TUBB8: variants seen among roughly 807,000 people sequenced by gnomAD.
TUBB8 encodes tubulin beta-8 chain.
In TUBB8, 25 loss-of-function variants were observed where a neutral mutation model predicts 33.7. The observed-to-expected ratio is 0.74, with a 90% confidence interval of 0.54 to 1.04. The LOEUF (loss-of-function observed/expected upper bound fraction) is 1.04. Ranked by LOEUF, TUBB8 falls within the 50% of genes least tolerant of loss-of-function variation. The pLI is 0.00. For missense variants in TUBB8, 279 were observed against 608.0 expected, an observed-to-expected ratio of 0.46 and a Z score of 5.69; for synonymous variants, 245 against 240.1, an observed-to-expected ratio of 1.02 and a Z score of -0.19.
At chr10:68,579 G>A (rs1218325308) in intron 1 of TUBB8, among the ~76,000 whole-genome samples, 1 of 152,102 alleles carries the variant, frequency 6.6e-6, no homozygotes, top group Admixed American at 6.6e-5. Flanking sequence ...TTACTGACAT[G>A]GTATTACTGT....
Position 48,863 on chromosome 10 carries a change from T to C in TUBB8, c.107A>G (p.Tyr36Cys). 1.3e-6 allele frequency: 2 copies of C among 1,591,042 alleles called. No homozygotes were observed. Among genetic ancestry groups the C allele is most frequent in the Non-Finnish European group, 1.7e-6 (2 of 1,170,410 alleles). The change falls in exon 2 of 4, where the codon TAC (tyrosine) becomes TGC (cysteine). Residue 36 changes from tyrosine (Y) to cysteine (C), a missense_variant. Physicochemically the swap from Tyr to Cys is radical, Grantham distance 194. Around this residue, in one of 4 missense-constraint regions of TUBB8, gnomAD observed 56 missense variants for 77.9 expected, o/e 0.72. Transcript: ENST00000568584. ...DEHAIDSAGT[Y>C]HGDSHLQLER... is the part of the protein sequence containing the mutation. Reference sequence around the variant, plus strand: ...CAGCTGCAGGTGGCTGTCCCCGTGGTAGGTGCCAGCGGAGTCGATGGCATG... The same window carrying C: ...CAGCTGCAGGTGGCTGTCCCCGTGGCAGGTGCCAGCGGAGTCGATGGCATG...
chr10:64,583 C>G (rs1239995609), intron 1 of TUBB8, among the ~76,000 whole-genome samples: 6 of 152,244 alleles, frequency 3.9e-5, no homozygotes, highest in South Asian at 4.1e-4. Flanking sequence ...TTACCCCAAC[C>G]CTAAATCAAA....
chr10:73,658 A>G (rs1203447197), intron 1 of TUBB8, among the ~76,000 whole-genome samples: 2 of 151,594 alleles, frequency 1.3e-5, no homozygotes, highest in Admixed American at 6.6e-5. Context: ...ACAAAACAAA[A>G]CACAAAATGA....
intron 3 of TUBB8, 128 bp downstream of exon 3, chr10:48,487 G>A (rs1467239403): frequency 1.1e-6 from 1 of 909,678 alleles, no homozygotes; most frequent in South Asian, 1.4e-5. Context: ...TGAGCGACTC[G>A]ACTCGGAGGA....
upstream of TUBB8, among the ~76,000 whole-genome samples, chr10:51,876 TA>T (rs1398227773): frequency 6.6e-6 from 1 of 152,174 alleles, no homozygotes; most frequent in Admixed American, 6.5e-5. Context: ...ACATCAAGGC[TA>T]AAAGTCAGAG....
At chr10:64,949 CA>C (rs1216919618) in intron 1 of TUBB8, among the ~76,000 whole-genome samples, 2 of 135,280 alleles carry the variant, frequency 1.5e-5, no homozygotes, top group Non-Finnish European at 3.1e-5. Flanking sequence ...CCAGCCTGGT[CA>C]ACATGAGGAA....
At chr10:75,801 A>G (rs543610612), upstream of TUBB8, among the ~76,000 whole-genome samples, 1 of 151,860 alleles carries the variant, frequency 6.6e-6, no homozygotes, top group Non-Finnish European at 1.5e-5. Context: ...CTACTTTTCC[A>G]TTTTCCTGCG....
intron 1 of TUBB8, among the ~76,000 whole-genome samples, chr10:56,998 G>A (rs1188051703): frequency 6.6e-6 from 1 of 151,646 alleles, no homozygotes; most frequent in Non-Finnish European, 1.5e-5. Flanking sequence ...TAGGCATTGG[G>A]TAAATATTCC....
At chr10:62,418 A>C (rs1834614974) in intron 1 of TUBB8, among the ~76,000 whole-genome samples, 2 of 152,138 alleles carry the variant, frequency 1.3e-5, no homozygotes, top group African/African-American at 4.8e-5. Context: ...ATTCTTTTAA[A>C]CTTTTTGTTG....
At chr10:76,493 C>A (rs1282633081), upstream of TUBB8, among the ~76,000 whole-genome samples, 4 of 152,156 alleles carry the variant, frequency 2.6e-5, no homozygotes, top group African/African-American at 7.2e-5. Context: ...CCCAGGTGTC[C>A]CGGAGCGTCT....
upstream of TUBB8, chr10:49,757 T>G: frequency 2.8e-6 from 1 of 361,808 alleles, no homozygotes; most frequent in Non-Finnish European, 5.4e-6. Flanking sequence ...CACAATAAGC[T>G]ATGGGTGTTA....
chr10:68,486 C>T (rs1216159377), intron 1 of TUBB8, among the ~76,000 whole-genome samples: 2 of 152,222 alleles, frequency 1.3e-5, no homozygotes, highest in East Asian at 1.9e-4. Context: ...AGACTCTCAC[C>T]GGGGTGCTTG....
chr10:67,782 A>AT (rs1356894241), intron 1 of TUBB8, among the ~76,000 whole-genome samples: 1 of 152,054 alleles, frequency 6.6e-6, no homozygotes, highest in Non-Finnish European at 1.5e-5. Context: ...ATTACTGTTG[A>AT]TTGTTTTTTG....
At chr10:76,342 GAGCCGCCCA>G (rs1834814208), upstream of TUBB8, among the ~76,000 whole-genome samples, 1 of 152,094 alleles carries the variant, frequency 6.6e-6, no homozygotes, top group Admixed American at 6.5e-5. Context: ...TGCTGGGGGT[GAGCCGCCCA>G]AGCCTCCATG....
At chr10:46,846 G>A, downstream of TUBB8, 2 of 455,718 alleles carry the variant, frequency 4.4e-6, no homozygotes, top group Non-Finnish European at 7.9e-6. Context: ...GCATCTGGCA[G>A]CAGTAGCCAG....
At chr10:72,100 C>T (rs1479922335) in intron 1 of TUBB8, among the ~76,000 whole-genome samples, 3 of 151,796 alleles carry the variant, frequency 2.0e-5, no homozygotes, top group Non-Finnish European at 4.4e-5. Flanking sequence ...TGGTGCACAC[C>T]TGTATTCCCA....
At chr10:73,732 C>T (rs1464453061) in intron 1 of TUBB8, among the ~76,000 whole-genome samples, 1 of 151,868 alleles carries the variant, frequency 6.6e-6, no homozygotes, top group Non-Finnish European at 1.5e-5. Context: ...TCCCCAACAT[C>T]CCGACAGCCC....
At chr10:68,780 A>G (rs1244548220) in intron 1 of TUBB8, among the ~76,000 whole-genome samples, 13 of 152,252 alleles carry the variant, frequency 8.5e-5, no homozygotes, top group African/African-American at 3.1e-4. Context: ...AAATCAGGAA[A>G]TACAAGGTCT....
At chr10:48,199 C>T (rs1335042813) in intron 3 of TUBB8, 85 bp from the exon 4 acceptor site, 4 of 1,016,362 alleles carry the variant, frequency 3.9e-6, no homozygotes, top group Non-Finnish European at 6.1e-6. Context: ...AGCCAAGCGT[C>T]ACACGTGAGG....
Sources: allele counts gnomAD v4.1 joint callset (sites outside exome capture counted in the v4.1 genomes callset), GRCh38; gene constraint gnomAD v4.1.1; regional missense constraint gnomAD v4.1.1; transcripts MANE v1.5; gene names NCBI Gene and HGNC (gene_info 2026-07-23, HGNC 2026-07-21).